MYO9B: variants seen among roughly 807,000 people sequenced by gnomAD.
MYO9B encodes myosin IXB.
MYO9B carries 71 observed loss-of-function variants against 229.5 expected under a neutral mutation model. The ratio of observed to expected loss-of-function variants is 0.31; its 90% CI spans 0.26 to 0.38. The LOEUF (loss-of-function observed/expected upper bound fraction) is 0.38. Ranked by LOEUF, MYO9B falls within the 10% of genes least tolerant of loss-of-function variation. The pLI is 1.00. For synonymous variants in MYO9B, 1,185 were observed against 1,235.8 expected, an observed-to-expected ratio of 0.96 and a Z score of 0.86; for missense variants, 2,255 against 2,920.5, an observed-to-expected ratio of 0.77 and a Z score of 5.25.
chr19:17,093,468 C>T (rs930402141), intron 1 of MYO9B, among the ~76,000 whole-genome samples: 3 of 152,186 alleles, frequency 2.0e-5, no homozygotes, highest in African/African-American at 4.8e-5. Flanking sequence ...GATTAACTCT[C>T]GTGGCGTCCT....
At chr19:17,153,484 C>T (rs1419184324) in intron 4 of MYO9B, among the ~76,000 whole-genome samples, 19 of 150,042 alleles carry the variant, frequency 1.3e-4, no homozygotes, top group Non-Finnish European at 2.5e-4. Context: ...CCCAGGAGTT[C>T]GAGACCAGCC....
intron 11 of MYO9B, among the ~76,000 whole-genome samples, chr19:17,171,761 G>A (rs2072727269): frequency 6.6e-6 from 1 of 152,092 alleles, no homozygotes; most frequent in African/African-American, 2.4e-5. Context: ...AGACCAGCCT[G>A]GGTAACATAG....
rs1369545143 is a variant in MYO9B, at chr19:17,197,812, C to A, written c.4067C>A (p.Ser1356Tyr). The change falls in exon 23 of 40, where the codon TCC (serine) becomes TAC (tyrosine). Residue 1356 changes from serine to tyrosine, a missense_variant. Physicochemically the swap from Ser to Tyr is moderately radical, Grantham distance 144. Transcript: ENST00000682292. ...TPTEERRTSF[S>Y]TSDVSKLLPS... ...CGCAGGGAGAGGCGCACCTCCTTCT[C>A]CACGAGCGACGTCTCCAAGCTCCTC... The A allele has an allele frequency of 6.2e-7, 1 of 1,613,654 alleles. No homozygotes were observed. The highest frequency in any genetic ancestry group is 8.5e-7 in the Non-Finnish European group (1 of 1,179,898).
At chr19:17,197,431 G>GATAGATAGATAGATAGATAC in intron 22 of MYO9B, among the ~76,000 whole-genome samples, 1 of 88,282 alleles carries the variant, frequency 1.1e-5, no homozygotes, top group Middle Eastern at 5.8e-3. Context: ...TAGATAGATA[G>GATAGATAGATAGATAGATAC]ATAGATAGAT....
At chr19:17,146,609 G>A (rs2072414673) in intron 3 of MYO9B, among the ~76,000 whole-genome samples, 1 of 152,072 alleles carries the variant, frequency 6.6e-6, no homozygotes, top group Non-Finnish European at 1.5e-5. Context: ...AGAGATACAT[G>A]GATTATTCAT....
At position 17,157,109 on chromosome 19, in the gene MYO9B, C is replaced by T. The variant is rs927337765; in HGVS notation, c.1329+71C>T. 1.9e-5 allele frequency: 29 copies of T among 1,534,772 alleles called. No individual in the cohort carries two copies. In the East Asian group the frequency reaches 6.2e-4, roughly 33 times the overall value. On this transcript the variant is annotated intron_variant, in intron 7 of 39. Coordinates refer to ENST00000682292, the MANE Select transcript of MYO9B (RefSeq NM_004145.4). ...GCTGGCTATCTCTCAGTACGAGGGA[C>T]CATACCCAGAACTTCCTACGTCAGC... is the stretch of plus-strand genomic sequence containing the variant.
chr19:17,098,440 G>C (rs1336033348), intron 1 of MYO9B, among the ~76,000 whole-genome samples: 1 of 152,064 alleles, frequency 6.6e-6, no homozygotes, highest in Non-Finnish European at 1.5e-5. Context: ...TCTTTTAACT[G>C]CTGCGCTGGA....
At chr19:17,197,699 A>T (rs2073061149) in intron 22 of MYO9B, 93 bp from the exon 23 acceptor site, 2 of 1,441,218 alleles carry the variant, frequency 1.4e-6, no homozygotes, top group Admixed American at 1.7e-5. Flanking sequence ...GCAGGGGCAG[A>T]ACTGCCCAAG....
chr19:17,086,874 C>G lies in MYO9B; in HGVS notation c.-59+11000C>G, dbSNP rs940499482. ...CAGCCTGGAAAACAGAGCAAGACTTCGTCTCAAAAAAAAAAAAAGTCTCCA... is the reference window on the plus strand; with the variant it reads ...CAGCCTGGAAAACAGAGCAAGACTTGGTCTCAAAAAAAAAAAAAGTCTCCA... On this transcript the variant is annotated intron_variant, in intron 1 of 39. Transcript: ENST00000682292. 4.3e-4 allele frequency among the ~76,000 whole-genome samples: 31 copies of G among 72,172 alleles called. 1 individual carries two copies. The highest frequency in any genetic ancestry group is 1.1e-3 in the South Asian group (2 of 1,740). The allele number at this position is 72,172 out of a possible 152,430, so 47.3% of individuals were successfully genotyped here.
chr19:17,210,612 G>T, intron 37 of MYO9B, 103 bp from the exon 38 acceptor site: 1 of 1,390,798 alleles, frequency 7.2e-7, no homozygotes. Context: ...TAAGAGCCCA[G>T]CACACTCACA....
At chr19:17,156,678 C>G (rs2072540822) in intron 6 of MYO9B, among the ~76,000 whole-genome samples, 1 of 152,198 alleles carries the variant, frequency 6.6e-6, no homozygotes, top group Non-Finnish European at 1.5e-5. Context: ...GATTGTGTCA[C>G]TGCACTCCAA....
chr19:17,122,265 G>T (rs1222048578), intron 2 of MYO9B, among the ~76,000 whole-genome samples: 1 of 152,178 alleles, frequency 6.6e-6, no homozygotes, highest in Non-Finnish European at 1.5e-5. Flanking sequence ...GAGGCTAGGC[G>T]CAGTGGCTCA....
chr19:17,173,127 G>A (rs1599390879), intron 13 of MYO9B, among the ~76,000 whole-genome samples, 164 bp downstream of exon 13: 1 of 152,022 alleles, frequency 6.6e-6, no homozygotes, highest in African/African-American at 2.4e-5. Flanking sequence ...ACAGAAACTC[G>A]ACCTGCGTGT....
At chr19:17,085,110 G>C (rs1016417833) in intron 1 of MYO9B, among the ~76,000 whole-genome samples, 1 of 152,140 alleles carries the variant, frequency 6.6e-6, no homozygotes, top group African/African-American at 2.4e-5. Flanking sequence ...AGGGTCCCTG[G>C]CACAGGGATG....
chr19:17,174,438 C>T (rs2072760963), intron 13 of MYO9B, among the ~76,000 whole-genome samples: 1 of 151,970 alleles, frequency 6.6e-6, no homozygotes, highest in African/African-American at 2.4e-5. Flanking sequence ...GGTTCAAGAG[C>T]AGCCTGACCA....
Position 17,075,850 on chromosome 19 carries a change from G to C in MYO9B, c.-83G>C, listed in dbSNP as rs2057476408. On this transcript the variant is annotated 5_prime_UTR_variant, in exon 1 of 40. Coordinates refer to ENST00000682292, the MANE Select transcript of MYO9B (RefSeq NM_004145.4). ...CCGGCCGGGGACCCGGCCCGGGACCGGCGGCGCGCGGCGGCCGAGGCCAGG... is the reference window on the plus strand; with the variant it reads ...CCGGCCGGGGACCCGGCCCGGGACCCGCGGCGCGCGGCGGCCGAGGCCAGG... 1 of 150,384 alleles carries C rather than the reference G, an allele frequency of 6.6e-6. No individual in the cohort carries two copies. Among genetic ancestry groups the C allele is most frequent in the Admixed American group, 6.6e-5 (1 of 15,060 alleles). The allele number at this position is 150,384 out of a possible 1,614,324, so 9.3% of individuals were successfully genotyped here.
In MYO9B at chr19:17,206,674, T is replaced by C. The variant is rs758250731; in HGVS notation, c.5387-5T>C. 2 of 1,564,940 alleles carry C rather than the reference T, an allele frequency of 1.3e-6. No individual in the cohort carries two copies. The highest frequency in any genetic ancestry group is 1.7e-6 in the Non-Finnish European group (2 of 1,155,516). On this transcript the variant is annotated splice_region_variant and splice_polypyrimidine_tract_variant and intron_variant, in intron 33 of 39. Coordinates refer to ENST00000682292, the MANE Select transcript of MYO9B (RefSeq NM_004145.4). The stretch of plus-strand genomic sequence containing the variant: ...GCTGACGTCCTCAAACCCCACTGCC[T>C]GCAGAGCTGCCGGAGAAGCAGGAGC...
At position 17,164,919 on chromosome 19, in the gene MYO9B, A is replaced by C. The variant is rs115256536; in HGVS notation, c.1671+1797A>C. ...GACTTAGCACATGAGAAAAAAGAAC[A>C]TACACGGTCTCAGTACCTTACTGCA... On this transcript the variant is annotated intron_variant, in intron 10 of 39. Coordinates refer to ENST00000682292, the MANE Select transcript of MYO9B (RefSeq NM_004145.4). Among the ~76,000 whole-genome samples, 662 of 152,270 alleles carry C rather than the reference A, an allele frequency of 4.3e-3. 5 individuals carry two copies. The highest frequency in any genetic ancestry group is 0.014 in the African/African-American group (583 of 41,564).
At chr19:17,078,553 TA>T (rs1363488699) in intron 1 of MYO9B, among the ~76,000 whole-genome samples, 1 of 150,702 alleles carries the variant, frequency 6.6e-6, no homozygotes, top group South Asian at 2.1e-4. Context: ...TAATAATAAT[TA>T]AAAAAAAGAA....
Sources: gnomAD v4.1 joint callset for allele counts (sites outside exome capture counted in the v4.1 genomes callset) on GRCh38, gnomAD v4.1.1 for gene constraint, MANE v1.5 for transcripts, NCBI Gene and HGNC (gene_info 2026-07-23, HGNC 2026-07-21) for gene names.